Variants in DIS3L2 observed in about 807,000 individuals in gnomAD.
The protein encoded by DIS3L2 is DIS3 like 3'-5' exoribonuclease 2.
In DIS3L2, 34 loss-of-function variants were observed where a neutral mutation model predicts 97.5. The ratio of observed to expected loss-of-function variants is 0.35; its 90% CI spans 0.27 to 0.46. The LOEUF (loss-of-function observed/expected upper bound fraction) is 0.46. Ranked by LOEUF, DIS3L2 falls within the 20% of genes least tolerant of loss-of-function variation. DIS3L2 has a pLI of 1.00. For missense variants in DIS3L2, 1,038 were observed against 1,146.0 expected (o/e 0.91, Z 1.36); for synonymous variants, 435 against 445.2 (o/e 0.98, Z 0.29).
chr2:232,087,434 T>C (rs1574864518), intron 5 of DIS3L2, 53 bp from the exon 6 acceptor site: 1 of 401,346 alleles, frequency 2.5e-6, no homozygotes, highest in Non-Finnish European at 3.3e-6. Context: ...AAATCTGCTC[T>C]TTTTTTTTTT....
intron 12 of DIS3L2, among the ~76,000 whole-genome samples, chr2:232,262,112 G>C (rs1306125652): frequency 9.2e-5 from 14 of 151,992 alleles, no homozygotes; most frequent in Admixed American, 9.2e-4. Flanking sequence ...CAGCTCTCTT[G>C]TTTTTTCTAC....
At chr2:232,083,230 AATT>A (rs1184446728) in intron 5 of DIS3L2, among the ~76,000 whole-genome samples, 8 of 151,944 alleles carry the variant, frequency 5.3e-5, no homozygotes. Flanking sequence ...CCAAAGCATA[AATT>A]ATTAAGTAAG....
In DIS3L2 at chr2:232,136,686, T is replaced by G. The variant is rs1698368187; in HGVS notation, c.917T>G (p.Val306Gly). 1 of 1,613,952 alleles carries G rather than the reference T, an allele frequency of 6.2e-7. No homozygotes were observed. Among genetic ancestry groups the G allele is most frequent in the Non-Finnish European group, 8.5e-7 (1 of 1,179,906 alleles). The change falls in exon 8 of 21, where the codon GTG (valine) becomes GGG (glycine). Residue 306 changes from valine (V) to glycine (G), a missense_variant. Transcript: ENST00000325385. Reference protein sequence around the residue: ...YANTLFICRIVDWKEDCNFAL... With the variant: ...YANTLFICRIGDWKEDCNFAL... Reference sequence around the variant, plus strand: ...AACACACTGTTCATCTGCCGCATTGTGGACTGGAAGGAGGACTGCAATTTT... The same window carrying G: ...AACACACTGTTCATCTGCCGCATTGGGGACTGGAAGGAGGACTGCAATTTT...
chr2:231,985,576 G>GA (rs1254450225), intron 1 of DIS3L2, among the ~76,000 whole-genome samples: 3 of 152,212 alleles, frequency 2.0e-5, no homozygotes, highest in Non-Finnish European at 2.9e-5. Context: ...AAATGCTCAT[G>GA]AGTGCATACA....
chr2:232,070,490 C>T (rs1196392545), intron 5 of DIS3L2, among the ~76,000 whole-genome samples: 7 of 152,030 alleles, frequency 4.6e-5, no homozygotes, highest in South Asian at 2.1e-4. Flanking sequence ...CTGCTGTGTT[C>T]TATGAACTGG....
chr2:232,045,706 G>A (rs1469164955), intron 5 of DIS3L2, among the ~76,000 whole-genome samples: 3 of 122,610 alleles, frequency 2.4e-5, no homozygotes, highest in Non-Finnish European at 4.8e-5. Flanking sequence ...ATAGAGTCTC[G>A]CTCTGTTGCC....
chr2:232,333,755 C>CGAAA, intron 16 of DIS3L2, 85 bp from the exon 17 acceptor site: 20 of 1,488,950 alleles, frequency 1.3e-5, no homozygotes, highest in Admixed American at 9.1e-5. Context: ...TCGCTGCCGA[C>CGAAA]GGTGAGGCTG....
At chr2:231,974,286 G>C (rs1693010835) in intron 1 of DIS3L2, among the ~76,000 whole-genome samples, 1 of 152,152 alleles carries the variant, frequency 6.6e-6, no homozygotes, top group African/African-American at 2.4e-5. Flanking sequence ...CTCCCTAGGG[G>C]AAGGCAGGAG....
chr2:232,244,656 AAGGAAGG>A (rs1428472263), intron 11 of DIS3L2, among the ~76,000 whole-genome samples: 3 of 152,316 alleles, frequency 2.0e-5, no homozygotes, highest in South Asian at 4.1e-4. Flanking sequence ...AAATTGGCCA[AAGGAAGG>A]AGCTGGAAGG....
intron 8 of DIS3L2, among the ~76,000 whole-genome samples, chr2:232,157,885 G>A (rs560500324): frequency 2.6e-5 from 4 of 152,266 alleles, no homozygotes; most frequent in South Asian, 4.2e-4. Context: ...GGACATACAC[G>A]GGCGCAGGCC....
rs140063948 is a variant in DIS3L2 at position 232,254,974 on chromosome 2, G to A, written c.1425+5628G>A. 5.9e-5 allele frequency among the ~76,000 whole-genome samples: 9 copies of A among 152,354 alleles called. No individual in the cohort carries two copies. In the East Asian group the frequency reaches 1.7e-3, roughly 29 times the overall value. On this transcript the variant is annotated intron_variant, in intron 12 of 20. Coordinates refer to ENST00000325385, the MANE Select transcript of DIS3L2 (RefSeq NM_152383.5). ...CCCTGCCCAGACCAAGCGACCACAT[G>A]AGAGGTAGACCTGGTTGGTTAGTCC...
chr2:232,238,159 C>T (rs1266432256), intron 10 of DIS3L2, among the ~76,000 whole-genome samples: 1 of 152,080 alleles, frequency 6.6e-6, no homozygotes, highest in African/African-American at 2.4e-5. Context: ...TCAGAGGCTT[C>T]ATCTGTAGGA....
intron 8 of DIS3L2, among the ~76,000 whole-genome samples, chr2:232,154,186 G>A (rs1690408818): frequency 3.1e-5 from 1 of 32,142 alleles, no homozygotes; most frequent in Non-Finnish European, 6.4e-5. Context: ...ATCGTCTGAA[G>A]CCTTCTTCTC....
rs537306712 is a variant in DIS3L2, at chr2:232,275,485, T to A, written c.1659+12045T>A. Among the ~76,000 whole-genome samples the A allele has an allele frequency of 6.6e-5, 10 of 152,288 alleles. No individual in the cohort carries two copies. In the East Asian group the frequency reaches 1.7e-3, roughly 26 times the overall value. Reference sequence around the variant, plus strand: ...GGGTGCCCAGGGACACTGTGCCCATTGTATTGTCTACAAGGTGAAAATGTG... The same window carrying A: ...GGGTGCCCAGGGACACTGTGCCCATAGTATTGTCTACAAGGTGAAAATGTG... On this transcript the variant is annotated intron_variant, in intron 13 of 20. Coordinates refer to ENST00000325385, the MANE Select transcript of DIS3L2 (RefSeq NM_152383.5).
rs1181750446 is a variant in DIS3L2, at chr2:231,984,470, T to G, written c.-94+22705T>G. On this transcript the variant is annotated intron_variant, in intron 1 of 20. Coordinates refer to ENST00000325385, the MANE Select transcript of DIS3L2 (RefSeq NM_152383.5). ...GGCGCGATCTCGGCTCACTGCAAGC[T>G]CCGCCTCCCGGGTTCACGCCATTCT... 2.7e-5 allele frequency among the ~76,000 whole-genome samples: 4 copies of G among 147,104 alleles called. No individual in the cohort carries two copies. In the Admixed American group the frequency reaches 2.8e-4, roughly 10 times the overall value.
chr2:232,208,479 T>A lies in DIS3L2; in HGVS notation c.1125-1847T>A, dbSNP rs181989040. 1.8e-3 allele frequency among the ~76,000 whole-genome samples: 273 copies of A among 152,218 alleles called. 1 individual carries two copies. The highest frequency in any genetic ancestry group is 5.9e-3 in the African/African-American group (245 of 41,538). ...GCGTGTGCCACCATGCCCGGCTAAT[T>A]TTTGTATTTTTAGTAGAAACGGGGT... is the stretch of plus-strand genomic sequence containing the variant. On this transcript the variant is annotated intron_variant, in intron 9 of 20. Coordinates refer to ENST00000325385, the MANE Select transcript of DIS3L2 (RefSeq NM_152383.5).
In DIS3L2 at chr2:232,248,999, G is replaced by A. The variant is rs1693341959; in HGVS notation, c.1318-240G>A. ...GTAGCTATTTTACATTGCTTGCATT[G>A]TACTTTTGTCTTCCCTTACCAGTTC... is the stretch of plus-strand genomic sequence containing the variant. On this transcript the variant is annotated intron_variant, in intron 11 of 20. Transcript: ENST00000325385. Among the ~76,000 whole-genome samples the A allele has an allele frequency of 2.0e-5, 3 of 152,158 alleles. No homozygotes were observed. The South Asian group carries it at 6.2e-4, about 32-fold the overall frequency.
chr2:232,035,474 A>G (rs1482489132), intron 5 of DIS3L2, among the ~76,000 whole-genome samples: 2 of 152,118 alleles, frequency 1.3e-5, no homozygotes, highest in African/African-American at 4.8e-5. Flanking sequence ...TGTGCCTTTT[A>G]ATTGGGGGAT....
intron 6 of DIS3L2, among the ~76,000 whole-genome samples, chr2:232,098,066 C>A (rs1697079616): frequency 6.6e-6 from 1 of 152,044 alleles, no homozygotes; most frequent in Non-Finnish European, 1.5e-5. Flanking sequence ...AGTTTTCTTC[C>A]CTGTCTTTTA....
Sources: allele counts gnomAD v4.1 joint callset (sites outside exome capture counted in the v4.1 genomes callset), GRCh38; gene constraint gnomAD v4.1.1; transcripts MANE v1.5; gene names NCBI Gene and HGNC (gene_info 2026-07-23, HGNC 2026-07-21).